The following DDX18 variants were observed in gnomAD, a reference collection of about 807,000 sequenced individuals.
The protein encoded by DDX18 is ATP-dependent RNA helicase DDX18.
A neutral mutation model predicts 73.5 loss-of-function variants in DDX18; 23 were observed. That is an observed-to-expected ratio of 0.31 (90% CI 0.23 to 0.44). The LOEUF is 0.44. Among genes scored for constraint, DDX18 ranks in the 20% least tolerant of loss-of-function variants. DDX18 has a pLI of 1.00. For synonymous variants in DDX18, 268 were observed against 282.7 expected (o/e 0.95, Z 0.52); for missense variants, 753 against 792.9 (o/e 0.95, Z 0.60).
chr2:117,826,214 A>G, intron 10 of DDX18, 55 bp from the exon 11 acceptor site: 1 of 1,496,048 alleles, frequency 6.7e-7, no homozygotes, highest in Non-Finnish European at 9.3e-7. Flanking sequence ...CAGATACGCA[A>G]ATGGGCTCAT....
chr2:117,821,051 CT>C, intron 3 of DDX18, 109 bp from the exon 4 acceptor site: 5 of 1,081,950 alleles, frequency 4.6e-6, no homozygotes, highest in Non-Finnish European at 6.4e-6. Context: ...AAGGTTTAGC[CT>C]TTTCTTACTG....
chr2:117,827,789 A>C (rs763796098), intron 11 of DDX18: 2 of 152,148 alleles, frequency 1.3e-5, no homozygotes, highest in Admixed American at 1.3e-4. Flanking sequence ...ATAAACATAC[A>C]TGTGCATGTG....
In DDX18 at chr2:117,821,199, C is replaced by G; in HGVS notation, c.553C>G (p.Leu185Val). ...EDTSFASLCN[L>V]VNENTLKAIK... ...TACTTCGTTTGCTTCTCTATGTAAT[C>G]TTGTCAATGAAAACACTCTGAAGGC... The change falls in exon 4 of 14, where the codon CTT becomes GTT. Residue 185 changes from leucine (L) to valine (V), a missense_variant. Transcript: ENST00000263239. The G allele has an allele frequency of 1.2e-6, 2 of 1,607,256 alleles. No individual in the cohort carries two copies. The highest frequency in any genetic ancestry group is 1.7e-6 in the Non-Finnish European group (2 of 1,177,176).
In DDX18 at chr2:117,817,587, G is replaced by T. The variant is rs1233682309; in HGVS notation, c.229G>T (p.Ala77Ser). 1.2e-6 allele frequency: 2 copies of T among 1,613,904 alleles called. No homozygotes were observed. The highest frequency in any genetic ancestry group is 2.2e-5 in the East Asian group (1 of 44,856). Residue 77 changes from alanine (A) to serine (S), a missense_variant, in exon 2 of 14, where the codon GCA becomes TCA. By Grantham distance (99) the Ala-to-Ser change is moderately conservative. Coordinates refer to ENST00000263239, the MANE Select transcript of DDX18 (RefSeq NM_006773.4). ...TCAAAATGGAGGCATGTCTCAAGAA[G>T]CAGTGGGAAATATAAAAGTTACAAA... ...ETQNGGMSQE[A>S]VGNIKVTKSP...
intron 7 of DDX18, among the ~76,000 whole-genome samples, chr2:117,823,684 G>C (rs939388582): frequency 4.6e-5 from 7 of 152,056 alleles, no homozygotes; most frequent in African/African-American, 7.2e-5. Flanking sequence ...CTCCAGTATG[G>C]TGCTGAATAG....
rs1679816356 is a variant in DDX18, at chr2:117,819,789, A to T, written c.511A>T (p.Thr171Ser). 1 of 1,576,786 alleles carries T rather than the reference A, an allele frequency of 6.3e-7. No homozygotes were observed. Among genetic ancestry groups the T allele is most frequent in the Non-Finnish European group, 8.6e-7 (1 of 1,166,980 alleles). Reference sequence around the variant, plus strand: ...GGTGCCCAGTCTGCCCCTGGGACTGACAGGTAACGTCCAGGAAGTTTTCTA... The same window carrying T: ...GGTGCCCAGTCTGCCCCTGGGACTGTCAGGTAACGTCCAGGAAGTTTTCTA... ...SEVPSLPLGLTGAFEDTSFAS... is the reference protein window; with the variant it reads ...SEVPSLPLGLSGAFEDTSFAS... The change falls in exon 3 of 14, where the codon ACA becomes TCA. Residue 171 changes from threonine (T) to serine (S), a missense_variant. Physicochemically the swap from Thr to Ser is moderately conservative, Grantham distance 58 (BLOSUM62 1). Coordinates refer to ENST00000263239, the MANE Select transcript of DDX18 (RefSeq NM_006773.4).
intron 7 of DDX18, 74 bp from the exon 8 acceptor site, chr2:117,824,495 A>G: frequency 8.0e-7 from 1 of 1,255,384 alleles, no homozygotes; most frequent in East Asian, 2.8e-5. Context: ...CTCTACCTAG[A>G]ATATTTGTAG....
rs765987727 is a variant in DDX18 at position 117,821,938 on chromosome 2, T to C, written c.828T>C (p.Thr276=). Residue 276 remains threonine, a synonymous_variant, in exon 6 of 14, where the codon ACT becomes ACC. Coordinates refer to ENST00000263239, the MANE Select transcript of DDX18 (RefSeq NM_006773.4). ...QTFGVLKELM[T]HHVHTYGLIM... ...TTGGTGTTCTTAAGGAGCTGATGACTCACCACGTGCATACCTATGGCTTGA... is the reference window on the plus strand; with the variant it reads ...TTGGTGTTCTTAAGGAGCTGATGACCCACCACGTGCATACCTATGGCTTGA... 3 of 1,614,062 alleles carry C rather than the reference T, an allele frequency of 1.9e-6. No homozygotes were observed. The Admixed American group carries it at 5.0e-5, about 27-fold the overall frequency.
chr2:117,826,879 A>T (rs1370412017), intron 11 of DDX18: 1 of 155,860 alleles, frequency 6.4e-6, no homozygotes, highest in Non-Finnish European at 1.4e-5. Context: ...CTTCAACCTT[A>T]AACCTGTTCT....
At chr2:117,826,167 A>T in intron 10 of DDX18, 102 bp from the exon 11 acceptor site, 1 of 937,434 alleles carries the variant, frequency 1.1e-6, no homozygotes, top group Non-Finnish European at 1.6e-6. Context: ...CCGTGGGACT[A>T]CACCATCTCA....
At chr2:117,819,879 T>C (rs1388961381) in intron 3 of DDX18, 87 bp downstream of exon 3, 8 of 1,284,280 alleles carry the variant, frequency 6.2e-6, no homozygotes, top group South Asian at 2.7e-5. Flanking sequence ...AGTTGTGACT[T>C]TCAGTTTACC....
chr2:117,827,495 A>G (rs1334084624), intron 11 of DDX18: 1 of 46,806 alleles, frequency 2.1e-5, no homozygotes, highest in Admixed American at 3.0e-4. Context: ...CCCTCCCCCC[A>G]CCCCACGACA....
intron 13 of DDX18, among the ~76,000 whole-genome samples, chr2:117,829,700 G>A (rs767428405): frequency 1.6e-4 from 24 of 152,176 alleles, no homozygotes; most frequent in Non-Finnish European, 3.1e-4. Context: ...TATGCCTTGA[G>A]CCTTCAAAAG....
intron 3 of DDX18, 79 bp downstream of exon 3, chr2:117,819,871 T>C (rs1364856400): frequency 2.7e-5 from 36 of 1,314,878 alleles, no homozygotes; most frequent in Non-Finnish European, 3.4e-5. Context: ...GAAGGTTCAG[T>C]TGTGACTTTC....
intron 13 of DDX18, 52 bp downstream of exon 13, chr2:117,829,518 CAG>C (rs768421339): frequency 7.8e-6 from 12 of 1,540,794 alleles, no homozygotes; most frequent in Non-Finnish European, 7.1e-6. Flanking sequence ...AAAAGCTTGA[CAG>C]AGGGGCATTT....
chr2:117,818,023 T>A, intron 2 of DDX18, among the ~76,000 whole-genome samples: 1 of 152,224 alleles, frequency 6.6e-6, no homozygotes. Flanking sequence ...TTAAGTTACC[T>A]TTTTTCCTGC....
intron 7 of DDX18, chr2:117,822,763 T>C (rs1315454585): frequency 1.9e-5 from 3 of 156,178 alleles, no homozygotes; most frequent in African/African-American, 7.2e-5. Flanking sequence ...AAAATGAACA[T>C]GTCCATCACA....
chr2:117,816,293 A>G (rs1354460748), intron 1 of DDX18, among the ~76,000 whole-genome samples: 1 of 152,248 alleles, frequency 6.6e-6, no homozygotes, highest in Non-Finnish European at 1.5e-5. Flanking sequence ...TAACTTTTAC[A>G]TTATAAACTT....
At position 117,814,768 on chromosome 2, in the gene DDX18, G is replaced by T; in HGVS notation, c.-10G>T. The T allele has an allele frequency of 1.2e-6, 2 of 1,614,148 alleles. No individual in the cohort carries two copies. On this transcript the variant is annotated 5_prime_UTR_variant, in exon 1 of 14. Coordinates refer to ENST00000263239, the MANE Select transcript of DDX18 (RefSeq NM_006773.4). ...GTGTGGCGCCTTATTCTAGGCACTT[G>T]TTGGGCAGAATGTCACACCTGCCGA...
Sources: allele counts gnomAD v4.1 joint callset (sites outside exome capture counted in the v4.1 genomes callset), GRCh38; gene constraint gnomAD v4.1.1; transcripts MANE v1.5; gene names NCBI Gene and HGNC (gene_info 2026-07-23, HGNC 2026-07-21).